Variants in ZSCAN18 observed in about 807,000 individuals in gnomAD.
The protein encoded by ZSCAN18 is zinc finger and SCAN domain containing 18.
ZSCAN18 carries 16 observed loss-of-function variants against 31.1 expected under a neutral mutation model. The observed-to-expected ratio is 0.51, with a 90% CI of 0.35 to 0.78. ZSCAN18 has a LOEUF of 0.78. Ranked by LOEUF, ZSCAN18 falls within the 30% of genes least tolerant of loss-of-function variation. The pLI, the probability that ZSCAN18 is intolerant of heterozygous loss-of-function variation, is 0.01. For missense variants in ZSCAN18, 731 were observed against 697.4 expected, an observed-to-expected ratio of 1.05 and a Z score of -0.54; for synonymous variants, 375 against 320.7, an observed-to-expected ratio of 1.17 and a Z score of -1.81.
At chr19:58,094,215 G>A (rs568534854) in intron 1 of ZSCAN18, among the ~76,000 whole-genome samples, 15 of 150,438 alleles carry the variant, frequency 1.0e-4, no homozygotes, top group South Asian at 2.1e-4. Context: ...GGCTAACACC[G>A]TGAAACCCCA....
At chr19:58,100,442 C>T (rs1168910635), upstream of ZSCAN18, among the ~76,000 whole-genome samples, 1 of 152,136 alleles carries the variant, frequency 6.6e-6, no homozygotes, top group African/African-American at 2.4e-5. Flanking sequence ...GGGTCCATAC[C>T]TTCTTTAAGG....
At chr19:58,087,243 C>A in intron 4 of ZSCAN18, 73 bp downstream of exon 4, 1 of 1,447,392 alleles carries the variant, frequency 6.9e-7, no homozygotes. Flanking sequence ...CTCTGCTGAG[C>A]ACTGGTGATG....
chr19:58,109,525 T>C (rs879712161), intron 1 of ZSCAN18, among the ~76,000 whole-genome samples: 2 of 152,152 alleles, frequency 1.3e-5, no homozygotes, highest in Non-Finnish European at 2.9e-5. Context: ...CTAGACACTA[T>C]CCAAATGTCA....
chr19:58,084,711 G>A lies in ZSCAN18; in HGVS notation c.1507C>T (p.Pro503Ser). 2.7e-6 allele frequency: 4 copies of A among 1,506,336 alleles called. No individual in the cohort carries two copies. The highest frequency in any genetic ancestry group is 3.5e-6 in the Non-Finnish European group (4 of 1,137,926). The allele number at this position is 1,506,336 out of a possible 1,614,324, so 93.3% of individuals were successfully genotyped here. Residue 503 changes from proline (P) to serine (S), a missense_variant, in exon 7 of 7, where the codon CCC becomes TCC. This residue lies in a region of ZSCAN18 where 597 missense variants were observed against 499.5 expected (regional missense o/e 1.20). Coordinates refer to ENST00000601144, the MANE Select transcript of ZSCAN18 (RefSeq NM_001145543.2). The surrounding 1 kb of genome is among the most constrained non-coding windows in gnomAD (Gnocchi z 4.5). The part of the protein sequence containing the change: ...PPESVEGEAP[P>S]APPEAQR ...CACCTCTGCGCCTCTGGGGGTGCGG[G>A]GGGAGCCTCGCCCTCCACGCTCTCT...
At chr19:58,108,298 G>A in intron 1 of ZSCAN18, 2 of 985,432 alleles carry the variant, frequency 2.0e-6, no homozygotes, top group Non-Finnish European at 2.4e-6. Flanking sequence ...TGGACAATAA[G>A]GTTGGAGACA....
chr19:58,086,575 C>T (rs957364260), intron 5 of ZSCAN18: 8 of 459,016 alleles, frequency 1.7e-5, no homozygotes, highest in Non-Finnish European at 2.7e-5. Flanking sequence ...GGGGCAAGAA[C>T]GTCTACAAAA....
intron 1 of ZSCAN18, among the ~76,000 whole-genome samples, chr19:58,093,796 C>T (rs922619005): frequency 6.6e-6 from 1 of 151,846 alleles, no homozygotes; most frequent in African/African-American, 2.4e-5. Flanking sequence ...GACGGAGTCT[C>T]GCCCTGTCAC....
At chr19:58,107,543 A>C (rs1173760579) in intron 1 of ZSCAN18, 1 of 594,276 alleles carries the variant, frequency 1.7e-6, no homozygotes, top group Non-Finnish European at 2.1e-6. Flanking sequence ...CCTGGGTGAC[A>C]AGAGTGAAAC....
At chr19:58,086,878 G>A (rs1022713313) in intron 5 of ZSCAN18, 28 bp downstream of exon 5, 2 of 1,580,118 alleles carry the variant, frequency 1.3e-6, no homozygotes, top group Middle Eastern at 1.9e-4. Flanking sequence ...GGGGAGTGGG[G>A]CGTGACCCCG....
At chr19:58,097,915 G>A in intron 1 of ZSCAN18, 1 of 982,820 alleles carries the variant, frequency 1.0e-6, no homozygotes, top group Non-Finnish European at 1.2e-6. Context: ...GGTGGGGGTT[G>A]CACTAGTTCC....
chr19:58,108,990 G>T, intron 1 of ZSCAN18: 1 of 1,189,920 alleles, frequency 8.4e-7, no homozygotes, highest in Non-Finnish European at 1.0e-6. Flanking sequence ...TAACCTTTGA[G>T]TCATGTTCAC....
At chr19:58,097,940 G>A in intron 1 of ZSCAN18, 1 of 984,888 alleles carries the variant, frequency 1.0e-6, no homozygotes, top group Non-Finnish European at 1.2e-6. Context: ...CTGCCTGCAG[G>A]GCCCCTCACC....
At chr19:58,108,797 G>A (rs1392035951) in intron 1 of ZSCAN18, 2 of 986,134 alleles carry the variant, frequency 2.0e-6, no homozygotes, top group Non-Finnish European at 2.4e-6. Context: ...GTTCACTAAG[G>A]TGTGTAGAAA....
chr19:58,108,305 G>T (rs1264822601), intron 1 of ZSCAN18: 6 of 985,340 alleles, frequency 6.1e-6, no homozygotes, highest in Non-Finnish European at 7.2e-6. Context: ...TAAGGTTGGA[G>T]ACATCAGAAA....
chr19:58,091,571 G>A (rs3892386), intron 1 of ZSCAN18, among the ~76,000 whole-genome samples: 33,650 of 150,500 alleles, frequency 0.22, 3,991 homozygotes, highest in South Asian at 0.33. Flanking sequence ...CACAATGACT[G>A]AGAGAGTTCA....
At chr19:58,117,312 T>TG (rs2074738284) in intron 1 of ZSCAN18, among the ~76,000 whole-genome samples, 2 of 151,914 alleles carry the variant, frequency 1.3e-5, no homozygotes, top group South Asian at 4.2e-4. Flanking sequence ...GGCCTGTCCC[T>TG]GGGGGTCAGC....
intron 1 of ZSCAN18, 117 bp downstream of exon 1, chr19:58,098,057 C>G: frequency 1.0e-6 from 1 of 985,716 alleles, no homozygotes; most frequent in Non-Finnish European, 1.2e-6. Context: ...GGCTCGCACC[C>G]CAACCCCGGG....
upstream of ZSCAN18, among the ~76,000 whole-genome samples, chr19:58,101,994 C>T (rs2074598181): frequency 2.6e-5 from 4 of 152,028 alleles, no homozygotes; most frequent in Admixed American, 2.0e-4. Context: ...TAAATGAGCA[C>T]CTATTAGCTT....
Position 58,114,579 on chromosome 19 carries a change from T to C in ZSCAN18, c.130+3688A>G, listed in dbSNP as rs116271581. Among the ~76,000 whole-genome samples, 334 of 152,166 alleles carry C rather than the reference T, an allele frequency of 2.2e-3. 1 individual carries two copies. Among genetic ancestry groups the C allele is most frequent in the Middle Eastern group, 6.8e-3 (2 of 294 alleles). ...TATAAATATATACACAATATACACA[T>C]ACATATATACATACAAAAATACATG... On this transcript the variant is annotated intron_variant, in intron 1 of 1. Coordinates refer to the ZSCAN18 transcript ENST00000595721.
Sources: allele counts gnomAD v4.1 joint callset (sites outside exome capture counted in the v4.1 genomes callset), GRCh38; gene constraint gnomAD v4.1.1; regional missense constraint gnomAD v4.1.1; non-coding constraint Gnocchi (gnomAD v3.1); transcripts MANE v1.5; gene names NCBI Gene and HGNC (gene_info 2026-07-23, HGNC 2026-07-21).